Variants in TATDN1 observed in about 807,000 individuals in gnomAD.
The protein encoded by TATDN1 is TatD DNase domain containing 1.
In TATDN1, 40 loss-of-function variants were observed where a neutral mutation model predicts 46.4. The observed-to-expected ratio is 0.86, with a 90% CI of 0.67 to 1.12. TATDN1 has a LOEUF of 1.12. TATDN1 is among the 50% of genes most tolerant of loss of function. TATDN1 has a pLI of 0.00. For missense variants in TATDN1, 326 were observed against 348.4 expected (o/e 0.94, Z 0.51); for synonymous variants, 95 against 105.6 (o/e 0.90, Z 0.62).
At chr8:124,530,825 G>A (rs191218542) in intron 1 of TATDN1, among the ~76,000 whole-genome samples, 1 of 152,116 alleles carries the variant, frequency 6.6e-6, no homozygotes, top group East Asian at 1.9e-4. Flanking sequence ...TCCTGGCCCT[G>A]GGTCTCATGA....
intron 1 of TATDN1, among the ~76,000 whole-genome samples, chr8:124,527,184 C>G (rs1820574449): frequency 6.6e-6 from 1 of 152,164 alleles, no homozygotes. Flanking sequence ...ATAGGAGGAG[C>G]TATGTATATT....
At position 124,495,542 on chromosome 8, in the gene TATDN1, G is replaced by A; in HGVS notation, c.594C>T (p.Cys198=). Residue 198 remains cysteine (C), a splice_region_variant and synonymous_variant, in exon 10 of 12, where the codon TGC becomes TGT. Coordinates refer to ENST00000276692, the MANE Select transcript of TATDN1 (RefSeq NM_032026.4). ...CCAAATTAGCTTCAGTTTTCAGTGA[G>A]CTTAAAAAAAAGTGTATATTTATTT... The part of the protein sequence containing the change: ...DLDLYIGFNG[C]SLKTEANLEV... The A allele has an allele frequency of 6.3e-7, 1 of 1,591,112 alleles. No individual in the cohort carries two copies.
At chr8:124,490,929 C>T in intron 11 of TATDN1, 1 of 152,048 alleles carries the variant, frequency 6.6e-6, no homozygotes, top group Non-Finnish European at 1.5e-5. Flanking sequence ...ATTACAGGCG[C>T]CCACCACCAT....
intron 9 of TATDN1, among the ~76,000 whole-genome samples, chr8:124,499,990 G>A (rs928386838): frequency 2.6e-5 from 4 of 151,768 alleles, no homozygotes; most frequent in Non-Finnish European, 4.4e-5. Context: ...GACTACAGGT[G>A]CCCACCACCA....
chr8:124,527,283 A>T (rs1820582718), intron 1 of TATDN1, among the ~76,000 whole-genome samples: 1 of 152,242 alleles, frequency 6.6e-6, no homozygotes, highest in African/African-American at 2.4e-5. Flanking sequence ...CTTAACATTA[A>T]AATGCAGTAA....
intron 4 of TATDN1, among the ~76,000 whole-genome samples, chr8:124,517,732 A>G (rs1819608113): frequency 6.6e-6 from 1 of 152,220 alleles, no homozygotes; most frequent in Non-Finnish European, 1.5e-5. Flanking sequence ...ATGTATGAAC[A>G]TAAAGCAAGG....
At chr8:124,496,154 T>C (rs1246334848) in intron 9 of TATDN1, among the ~76,000 whole-genome samples, 1 of 152,258 alleles carries the variant, frequency 6.6e-6, no homozygotes, top group Non-Finnish European at 1.5e-5. Context: ...TGACAACTAA[T>C]ACTGTTCTTA....
At chr8:124,490,510 C>T (rs1816887769) in intron 11 of TATDN1, among the ~76,000 whole-genome samples, 2 of 149,190 alleles carry the variant, frequency 1.3e-5, no homozygotes, top group African/African-American at 4.9e-5. Context: ...ACTCTCTCTC[C>T]AAAAAAAAGA....
rs1818219043 is a variant in TATDN1 at position 124,504,335 on chromosome 8, C to G, written c.529G>C (p.Asp177His). 1 of 1,604,838 alleles carries G rather than the reference C, an allele frequency of 6.2e-7. No individual in the cohort carries two copies. Among genetic ancestry groups the G allele is most frequent in the Non-Finnish European group, 8.5e-7 (1 of 1,175,550 alleles). The change falls in exon 9 of 12, where the codon GAT becomes CAT. Residue 177 changes from aspartate to histidine, a missense_variant. Physicochemically the swap from Asp to His is moderately conservative, Grantham distance 81. Transcript: ENST00000276692. ...GCAGCTGCTGCTTCCTTGGTACCAT[C>G]AAATGAATGCACCTGGGGACATACA... is the stretch of plus-strand genomic sequence containing the variant. ...RCVGGVVHSF[D>H]GTKEAAAALI...
intron 3 of TATDN1, among the ~76,000 whole-genome samples, chr8:124,520,136 T>C (rs974969324): frequency 6.6e-6 from 1 of 152,198 alleles, no homozygotes; most frequent in African/African-American, 2.4e-5. Flanking sequence ...CTTGACTATC[T>C]GTAAAGCAGA....
chr8:124,508,101 G>A (rs917042212), intron 8 of TATDN1, among the ~76,000 whole-genome samples: 1 of 152,146 alleles, frequency 6.6e-6, no homozygotes, highest in Non-Finnish European at 1.5e-5. Flanking sequence ...TGCTTTGTGT[G>A]TCACATAAAT....
chr8:124,500,453 T>C (rs1435713473), intron 9 of TATDN1, among the ~76,000 whole-genome samples: 2 of 152,098 alleles, frequency 1.3e-5, no homozygotes, highest in Admixed American at 1.3e-4. Context: ...ATGCCTGTAA[T>C]CCAAGCACTC....
chr8:124,490,515 AAAAG>A (rs1334071339), intron 11 of TATDN1, among the ~76,000 whole-genome samples: 2 of 152,092 alleles, frequency 1.3e-5, no homozygotes, highest in African/African-American at 2.4e-5. Flanking sequence ...CTCTCCAAAA[AAAAG>A]AAAAAAGAAA....
chr8:124,492,235 A>G (rs144854095), intron 11 of TATDN1, among the ~76,000 whole-genome samples: 1 of 152,086 alleles, frequency 6.6e-6, no homozygotes, highest in Non-Finnish European at 1.5e-5. Context: ...TTGGCCTCCC[A>G]AAGTGCTGGG....
At chr8:124,499,630 G>A (rs28696093) in intron 9 of TATDN1, among the ~76,000 whole-genome samples, 273 of 151,668 alleles carry the variant, frequency 1.8e-3, no homozygotes, top group African/African-American at 5.8e-3. Context: ...TGCAAGCTCC[G>A]CCTCCCGGGT....
At chr8:124,515,707 G>T in intron 6 of TATDN1, 39 bp downstream of exon 6, 1 of 1,579,830 alleles carries the variant, frequency 6.3e-7, no homozygotes, top group South Asian at 1.1e-5. Context: ...AATCACTCAT[G>T]ATTTTACAAT....
Position 124,512,945 on chromosome 8 carries a change from TTC to T in TATDN1, c.389+2799_389+2800del, listed in dbSNP as rs938576881. On this transcript the variant is annotated intron_variant, in intron 6 of 11. Transcript: ENST00000276692. ...TTTTTTTTTCTTTTGAGCGGAATCT[TTC>T]TCTGTTGCCCGGGCTGGAGTCCAAT... Among the ~76,000 whole-genome samples the T allele has an allele frequency of 7.1e-4, 108 of 152,154 alleles. 2 individuals are homozygous for T. The highest frequency in any genetic ancestry group is 6.8e-3 in the Middle Eastern group (2 of 294).
intron 6 of TATDN1, 84 bp from the exon 7 acceptor site, chr8:124,508,772 T>C: frequency 1.2e-6 from 1 of 829,216 alleles, no homozygotes; most frequent in East Asian, 2.8e-5. Flanking sequence ...AGCTTTTAAA[T>C]TAAAGGTATT....
chr8:124,513,846 T>C (rs913984636), intron 6 of TATDN1, among the ~76,000 whole-genome samples: 11 of 152,212 alleles, frequency 7.2e-5, no homozygotes, highest in African/African-American at 2.7e-4. Flanking sequence ...AGTTGAGGAA[T>C]ATGATATCTG....
Sources: gnomAD v4.1 joint callset for allele counts (sites outside exome capture counted in the v4.1 genomes callset) on GRCh38, gnomAD v4.1.1 for gene constraint, MANE v1.5 for transcripts, NCBI Gene and HGNC (gene_info 2026-07-23, HGNC 2026-07-21) for gene names.